MYH15: variants seen among roughly 807,000 people sequenced by gnomAD.
MYH15 encodes myosin-15.
In MYH15, 227 loss-of-function variants were observed where a neutral mutation model predicts 240.5. The observed-to-expected ratio is 0.94, with a 90% CI of 0.85 to 1.05. MYH15 has a LOEUF of 1.05. MYH15 is among the 50% of genes least tolerant of loss of function. MYH15 has a pLI of 0.00. For missense variants in MYH15, 2,217 were observed against 2,247.5 expected, an observed-to-expected ratio of 0.99 and a Z score of 0.27; for synonymous variants, 785 against 796.7, an observed-to-expected ratio of 0.99 and a Z score of 0.25.
At chr3:108,468,661 G>A (rs1276039589) in intron 14 of MYH15, among the ~76,000 whole-genome samples, 2 of 152,086 alleles carry the variant, frequency 1.3e-5, no homozygotes, top group Non-Finnish European at 2.9e-5. Context: ...AATACAACAG[G>A]AAATTACATC....
intron 9 of MYH15, among the ~76,000 whole-genome samples, chr3:108,488,659 A>C (rs1490531434): frequency 6.6e-6 from 1 of 152,022 alleles, no homozygotes; most frequent in African/African-American, 2.4e-5. Flanking sequence ...GTGTATATAT[A>C]CCACATTTTC....
intron 1 of MYH15, among the ~76,000 whole-genome samples, chr3:108,507,441 C>T (rs1234016252): frequency 1.0e-4 from 6 of 57,264 alleles, no homozygotes; most frequent in African/African-American, 2.1e-4. Flanking sequence ...ACAGGTAATG[C>T]GAACTCAGTC....
At chr3:108,438,181 C>T (rs1212974066) in intron 24 of MYH15, among the ~76,000 whole-genome samples, 2 of 152,202 alleles carry the variant, frequency 1.3e-5, no homozygotes, top group Non-Finnish European at 2.9e-5. Flanking sequence ...TTTGCAAGAA[C>T]CCCCTGGCAT....
chr3:108,381,699 G>T (rs2082344708), intron 40 of MYH15, 140 bp from the exon 41 acceptor site: 1 of 917,288 alleles, frequency 1.1e-6, no homozygotes, highest in Non-Finnish European at 1.8e-6. Context: ...GGGAGGCAGG[G>T]AATTGAGGCA....
At position 108,444,676 on chromosome 3, in the gene MYH15, A is replaced by T. The variant is rs1219649957; in HGVS notation, c.2619T>A (p.Thr873=). The T allele has an allele frequency of 6.2e-7, 1 of 1,613,932 alleles. No individual in the cohort carries two copies. The highest frequency in any genetic ancestry group is 2.2e-5 in the East Asian group (1 of 44,860). The change falls in exon 22 of 41, where the codon ACT becomes ACA. Residue 873 remains threonine, a synonymous_variant. Transcript: ENST00000693548. ...EELKAKQVSL[T]QEKNDLILQL... ...GAAGAATCAGGTCATTTTTTTCCTG[A>T]GTGAGGGATACTTGCTTTGCTTTCA...
rs756149513 is a variant in MYH15, at chr3:108,505,775, AC to A, written c.142del (p.Val48Ter). ...DGENAYIEAEVKGSEDDGTVI... is the reference protein window; with the variant it reads ...DGENAYIEAEXKGSEDDGTVI... ...TGTTCCATCATCTTCACTCCCTTTT[AC>A]CTCAGCCTCGATATAAGCATTCTCA... On this transcript the variant is annotated frameshift_variant, in exon 2 of 41. Coordinates refer to ENST00000693548, the MANE Select transcript of MYH15 (RefSeq NM_014981.3). LOFTEE classifies it high-confidence loss of function. 1 of 1,610,330 alleles carries A rather than the reference AC, an allele frequency of 6.2e-7. No individual in the cohort carries two copies.
rs555880915 is a variant in MYH15, at chr3:108,431,626, C to T, written c.3222-704G>A. Among the ~76,000 whole-genome samples, 10 of 152,152 alleles carry T rather than the reference C, an allele frequency of 6.6e-5. 1 individual carries two copies. The South Asian group carries it at 1.2e-3, about 19-fold the overall frequency. ...AACTTTTTTATCAGCAGTGTGAAAA[C>T]GGACTAATATAGAAATTGGTACCAG... is the stretch of plus-strand genomic sequence containing the variant. On this transcript the variant is annotated intron_variant, in intron 25 of 40. Coordinates refer to ENST00000693548, the MANE Select transcript of MYH15 (RefSeq NM_014981.3).
In MYH15 at chr3:108,495,835, A is replaced by G. The variant is rs1271852010; in HGVS notation, c.656T>C (p.Ile219Thr). The G allele has an allele frequency of 6.2e-7, 1 of 1,612,786 alleles. No individual in the cohort carries two copies. The highest frequency in any genetic ancestry group is 2.2e-5 in the East Asian group (1 of 44,810). The change falls in exon 7 of 41, where the codon ATC (isoleucine) becomes ACC (threonine). Residue 219 changes from isoleucine to threonine, a missense_variant. Coordinates refer to ENST00000693548, the MANE Select transcript of MYH15 (RefSeq NM_014981.3). ...LEDQIMQANT[I>T]LEAFGNAKTL... Reference sequence around the variant, plus strand: ...TTTAGCATTTCCAAATGCTTCCAAGATAGTATTCGCTTGCATGATTTGATC... The same window carrying G: ...TTTAGCATTTCCAAATGCTTCCAAGGTAGTATTCGCTTGCATGATTTGATC...
intron 29 of MYH15, among the ~76,000 whole-genome samples, chr3:108,415,458 A>C (rs1244966990): frequency 6.6e-6 from 1 of 152,198 alleles, no homozygotes; most frequent in Non-Finnish European, 1.5e-5. Flanking sequence ...TTTTTCTTTA[A>C]AGGAAAAACT....
At chr3:108,546,770 G>T in the MYH15 span, among the ~76,000 whole-genome samples, 1 of 152,114 alleles carries the variant, frequency 6.6e-6, no homozygotes, top group Non-Finnish European at 1.5e-5. Flanking sequence ...CTTATTCATG[G>T]TTATGTGATA....
chr3:108,509,307 T>C (rs2083503087), intron 1 of MYH15, among the ~76,000 whole-genome samples: 2 of 152,362 alleles, frequency 1.3e-5, no homozygotes, highest in South Asian at 2.1e-4. Flanking sequence ...AAATGCATCA[T>C]CCAATTATCT....
intron 35 of MYH15, among the ~76,000 whole-genome samples, chr3:108,397,243 C>T (rs1268451009): frequency 2.0e-5 from 3 of 152,196 alleles, no homozygotes; most frequent in Non-Finnish European, 4.4e-5. Flanking sequence ...CTGGCCCCAC[C>T]TATCTCAGCA....
At chr3:108,393,192 T>G (rs2082433273) in intron 36 of MYH15, among the ~76,000 whole-genome samples, 1 of 152,244 alleles carries the variant, frequency 6.6e-6, no homozygotes, top group Non-Finnish European at 1.5e-5. Context: ...CTTCCCTTCA[T>G]GTGGGAGGAT....
At chr3:108,485,004 A>C in intron 11 of MYH15, 87 bp downstream of exon 11, 2 of 1,383,834 alleles carry the variant, frequency 1.4e-6, no homozygotes, top group Non-Finnish European at 2.0e-6. Context: ...ATTTTAAGTA[A>C]GAGATGAAGT....
chr3:108,485,409 T>TA (rs2083298140), intron 10 of MYH15, among the ~76,000 whole-genome samples, 180 bp from the exon 11 acceptor site: 1 of 152,224 alleles, frequency 6.6e-6, no homozygotes, highest in Non-Finnish European at 1.5e-5. Flanking sequence ...CTCATCCCTT[T>TA]AAAAGAGAAT....
At chr3:108,517,215 G>T (rs963798830) in intron 1 of MYH15, among the ~76,000 whole-genome samples, 2 of 152,164 alleles carry the variant, frequency 1.3e-5, no homozygotes, top group Non-Finnish European at 2.9e-5. Flanking sequence ...CCCAGCGTTT[G>T]CTGGCTCTTT....
Position 108,442,306 on chromosome 3 carries a change from CAGCAAACGGGGCTCAA to C in MYH15, c.2656-1062_2656-1047del, listed in dbSNP as rs530634003. ...CCTGGCTGGAGAATGGCTGCCTACCCAGCAAACGGGGCTCAAAGAAGCACAGATGGAGAGAGGTATA... is the reference window on the plus strand; with the variant it reads ...CCTGGCTGGAGAATGGCTGCCTACCCAGAAGCACAGATGGAGAGAGGTATA... On this transcript the variant is annotated intron_variant, in intron 22 of 40. Coordinates refer to ENST00000693548, the MANE Select transcript of MYH15 (RefSeq NM_014981.3). Among the ~76,000 whole-genome samples the C allele has an allele frequency of 1.1e-4, 17 of 152,166 alleles. No individual in the cohort carries two copies. The East Asian group carries it at 1.2e-3, about 10-fold the overall frequency.
chr3:108,536,267 AAAAAC>A, the MYH15 span, among the ~76,000 whole-genome samples: 56 of 152,196 alleles, frequency 3.7e-4, no homozygotes, highest in East Asian at 1.7e-3. Flanking sequence ...TTTACCTCAA[AAAAAC>A]AAAACAAAAC....
chr3:108,501,271 A>AAG (rs1483453053), intron 3 of MYH15, among the ~76,000 whole-genome samples: 1 of 152,194 alleles, frequency 6.6e-6, no homozygotes. Context: ...AACCATCATC[A>AAG]ATTTAAAGAT....
Sources: gnomAD v4.1 joint callset for allele counts (sites outside exome capture counted in the v4.1 genomes callset) on GRCh38, gnomAD v4.1.1 for gene constraint, MANE v1.5 for transcripts, NCBI Gene and HGNC (gene_info 2026-07-23, HGNC 2026-07-21) for gene names.